Variants in TRPM3 observed in about 807,000 individuals in gnomAD.
The protein encoded by TRPM3 is long transient receptor potential channel 3.
TRPM3 carries 77 observed loss-of-function variants against 181.2 expected under a neutral mutation model. That is an observed-to-expected ratio of 0.42 (90% CI 0.35 to 0.51). The LOEUF is 0.51. Ranked by LOEUF, TRPM3 falls within the 20% of genes least tolerant of loss-of-function variation. The pLI is 0.01. For missense variants in TRPM3, 1,759 were observed against 2,196.7 expected, an observed-to-expected ratio of 0.80 and a Z score of 3.98; for synonymous variants, 745 against 796.4, an observed-to-expected ratio of 0.94 and a Z score of 1.09.
intron 1 of TRPM3, among the ~76,000 whole-genome samples, chr9:71,325,847 C>T (rs929683606): frequency 6.6e-6 from 1 of 152,034 alleles, no homozygotes; most frequent in Non-Finnish European, 1.5e-5. Context: ...TCTATTGGCA[C>T]TTTTTCTACT....
At chr9:70,675,126 G>T (rs1476700282) in intron 9 of TRPM3, among the ~76,000 whole-genome samples, 1 of 151,896 alleles carries the variant, frequency 6.6e-6, no homozygotes, top group East Asian at 1.9e-4. Context: ...TTGAGACAGA[G>T]TTTAGCTCTT....
At chr9:71,147,156 T>C (rs1273999598) in intron 1 of TRPM3, among the ~76,000 whole-genome samples, 1 of 152,120 alleles carries the variant, frequency 6.6e-6, no homozygotes, top group Non-Finnish European at 1.5e-5. Context: ...CTAGTTTGAG[T>C]AGGGTTTTAG....
rs2064442552 is a variant in TRPM3, at chr9:70,625,646, C to T, written c.1633-129G>A. Reference sequence around the variant, plus strand: ...CAGTGTAGAAGAAAGAAACACAAGGCTAGACAGGGCAAATGCTATCACTCC... The same window carrying T: ...CAGTGTAGAAGAAAGAAACACAAGGTTAGACAGGGCAAATGCTATCACTCC... On this transcript the variant is annotated intron_variant, in intron 12 of 25. Coordinates refer to ENST00000677713, the MANE Select transcript of TRPM3 (RefSeq NM_001366145.2). This position sits in a 1 kb window ranked among gnomAD's most constrained non-coding sequence, Gnocchi z 4.8. The T allele has an allele frequency of 1.1e-6, 1 of 890,676 alleles. No homozygotes were observed. Among genetic ancestry groups the T allele is most frequent in the Non-Finnish European group, 1.7e-6 (1 of 576,734 alleles). The allele number at this position is 890,676 out of a possible 1,614,324, so 55.2% of individuals were successfully genotyped here. A position where few individuals can be genotyped will look rare whatever the true frequency, so the allele number is the denominator to read the frequency against.
intron 22 of TRPM3, among the ~76,000 whole-genome samples, chr9:70,575,306 A>C (rs2053650790): frequency 1.3e-5 from 2 of 152,048 alleles, no homozygotes; most frequent in African/African-American, 4.8e-5. Flanking sequence ...GGAAGAAACA[A>C]CGGCTTTGCA....
In TRPM3 at chr9:70,864,525, CAAA is replaced by C. The variant is rs71367234; in HGVS notation, c.178-17_178-15del. The C allele has an allele frequency of 5.3e-4, 473 of 898,142 alleles. No individual in the cohort carries two copies. The highest frequency in any genetic ancestry group is 1.7e-3 in the South Asian group (45 of 26,152). 55.6% of individuals were successfully genotyped at this position (898,142 alleles called of 1,614,324 possible). A position where few individuals can be genotyped will look rare whatever the true frequency, so the allele number is the denominator to read the frequency against. On this transcript the variant is annotated splice_polypyrimidine_tract_variant and intron_variant, in intron 1 of 25. Transcript: ENST00000677713. Reference sequence around the variant, plus strand: ...GGATTTCTGAGCCTGAAAAAGAAAACAAAAAAAAAAAAAAAAGAAAAAAGAAAG... The same window carrying C: ...GGATTTCTGAGCCTGAAAAAGAAAACAAAAAAAAAAAAAGAAAAAAGAAAG...
Position 70,625,516 on chromosome 9 carries a change from C to T in TRPM3, c.1634G>A (p.Arg545Gln), listed in dbSNP as rs776387715. The T allele has an allele frequency of 4.3e-6, 7 of 1,611,890 alleles. No individual in the cohort carries two copies. Among genetic ancestry groups the T allele is most frequent in the South Asian group, 1.1e-5 (1 of 90,286 alleles). ...LYHLVRDVKK[R>Q]EYPGFGWIYF... is the part of the protein sequence containing the mutation. The stretch of plus-strand genomic sequence containing the variant: ...GATCCAACCGAAACCTGGATACTCT[C>T]GCTTGGAAAGAAGACATAAGTTAAA... The change falls in exon 13 of 26, where the codon CGA becomes CAA. Residue 545 changes from arginine (R) to glutamine (Q), a missense_variant and splice_region_variant. Around this residue, in one of 8 missense-constraint regions of TRPM3, gnomAD observed 737 missense variants for 957.4 expected, o/e 0.77. Coordinates refer to ENST00000677713, the MANE Select transcript of TRPM3 (RefSeq NM_001366145.2). The surrounding 1 kb of genome is among the most constrained non-coding windows in gnomAD (Gnocchi z 4.8).
intron 7 of TRPM3, among the ~76,000 whole-genome samples, chr9:70,782,882 C>G (rs942255792): frequency 3.0e-4 from 45 of 152,126 alleles, no homozygotes; most frequent in African/African-American, 9.6e-4. Flanking sequence ...ATAGGTTCAT[C>G]TACTAACTAG....
chr9:71,069,339 G>A (rs1407175669), intron 1 of TRPM3, among the ~76,000 whole-genome samples: 1 of 151,970 alleles, frequency 6.6e-6, no homozygotes, highest in Non-Finnish European at 1.5e-5. Flanking sequence ...ACTGCGCCTG[G>A]CTAAATTTTT....
At chr9:70,855,224 T>G (rs1259231870) in intron 3 of TRPM3, among the ~76,000 whole-genome samples, 1 of 152,156 alleles carries the variant, frequency 6.6e-6, no homozygotes, top group African/African-American at 2.4e-5. Context: ...CCTTTCCCCT[T>G]CATCAAACCC....
intron 1 of TRPM3, among the ~76,000 whole-genome samples, chr9:71,129,527 G>C (rs2074245924): frequency 6.6e-6 from 1 of 152,112 alleles, no homozygotes; most frequent in Non-Finnish European, 1.5e-5. Context: ...AAAGTCTACA[G>C]TATTGTTATC....
At chr9:71,439,231 T>C (rs1359261469) in intron 1 of TRPM3, among the ~76,000 whole-genome samples, 2 of 152,206 alleles carry the variant, frequency 1.3e-5, no homozygotes, top group African/African-American at 2.4e-5. Flanking sequence ...ATCATGGATA[T>C]GATCAACAAC....
rs181012793 is a variant in TRPM3, at chr9:71,042,657, C to G, written c.177+78521G>C. ...GTAAAAGAAGTGACCTTTGGATGTT[C>G]TGAAGTTGACTTCTAATCAGCAGTA... On this transcript the variant is annotated intron_variant, in intron 1 of 25. Coordinates refer to ENST00000677713, the MANE Select transcript of TRPM3 (RefSeq NM_001366145.2). 1.8e-4 allele frequency among the ~76,000 whole-genome samples: 27 copies of G among 152,300 alleles called. 1 individual carries two copies. The South Asian group carries it at 2.7e-3, about 15-fold the overall frequency.
chr9:71,248,589 T>G (rs1199957547), intron 1 of TRPM3, among the ~76,000 whole-genome samples: 1 of 152,248 alleles, frequency 6.6e-6, no homozygotes, highest in Non-Finnish European at 1.5e-5. Flanking sequence ...TGTTGAGGTT[T>G]GTTATTTGTT....
intron 1 of TRPM3, among the ~76,000 whole-genome samples, chr9:71,426,340 CCA>C (rs1045132574): frequency 3.3e-5 from 5 of 151,080 alleles, no homozygotes; most frequent in African/African-American, 1.2e-4. Flanking sequence ...TCTGCATATA[CCA>C]CACACTACCA....
At chr9:71,241,468 G>C (rs1460398012) in intron 1 of TRPM3, among the ~76,000 whole-genome samples, 2 of 147,286 alleles carry the variant, frequency 1.4e-5, no homozygotes, top group Non-Finnish European at 3.0e-5. Flanking sequence ...GACACCGGAA[G>C]GGGAACATCA....
At position 70,808,424 on chromosome 9, in the gene TRPM3, G is replaced by A. The variant is rs549544184; in HGVS notation, c.973+19423C>T. 1.1e-3 allele frequency among the ~76,000 whole-genome samples: 172 copies of A among 152,306 alleles called. 1 individual carries two copies. The highest frequency in any genetic ancestry group is 3.9e-3 in the African/African-American group (162 of 41,560). ...AGAAAAGTCTCTTTGCTGAAAAAAGGGAGGTCTTTAGCTTGAATAGGAAAA... is the reference window on the plus strand; with the variant it reads ...AGAAAAGTCTCTTTGCTGAAAAAAGAGAGGTCTTTAGCTTGAATAGGAAAA... On this transcript the variant is annotated intron_variant, in intron 6 of 25. Coordinates refer to ENST00000677713, the MANE Select transcript of TRPM3 (RefSeq NM_001366145.2).
intron 7 of TRPM3, among the ~76,000 whole-genome samples, chr9:70,767,328 T>G (rs1389833526): frequency 1.3e-5 from 2 of 152,160 alleles, no homozygotes; most frequent in Non-Finnish European, 2.9e-5. Flanking sequence ...GCTTGCTCAT[T>G]CATTCATTCA....
chr9:70,931,325 A>C (rs1404198898), intron 1 of TRPM3, among the ~76,000 whole-genome samples: 1 of 152,188 alleles, frequency 6.6e-6, no homozygotes, highest in Admixed American at 6.5e-5. Context: ...TCAAGAAACA[A>C]GAATAAAAAT....
intron 1 of TRPM3, among the ~76,000 whole-genome samples, chr9:71,445,782 T>TACACACACACAAAC (rs1249531330): frequency 2.0e-5 from 3 of 152,112 alleles, no homozygotes; most frequent in Non-Finnish European, 4.4e-5. Flanking sequence ...GTAAAACAAA[T>TACACACACACAAAC]ACACACACAC....
Sources: gnomAD v4.1 joint callset for allele counts (sites outside exome capture counted in the v4.1 genomes callset) on GRCh38, gnomAD v4.1.1 for gene constraint, gnomAD v4.1.1 regional missense constraint, Gnocchi (gnomAD v3.1) non-coding constraint, MANE v1.5 for transcripts, NCBI Gene and HGNC (gene_info 2026-07-23, HGNC 2026-07-21) for gene names.